The following LRP8 variants were observed in gnomAD, a reference collection of about 807,000 sequenced individuals.
LRP8 encodes the protein LDL receptor related protein 8.
LRP8 carries 46 observed loss-of-function variants against 111.6 expected under a neutral mutation model. The observed-to-expected ratio is 0.41, with a 90% CI of 0.33 to 0.53. The LOEUF (loss-of-function observed/expected upper bound fraction) is 0.53, where lower values mean the gene tolerates loss of function less well. Among genes scored for constraint, LRP8 ranks in the 20% least tolerant of loss-of-function variants. The pLI, the probability that LRP8 is intolerant of heterozygous loss-of-function variation, is 0.20. For synonymous variants in LRP8, 464 were observed against 511.2 expected, an observed-to-expected ratio of 0.91 and a Z score of 1.24; for missense variants, 959 against 1,297.4, an observed-to-expected ratio of 0.74 and a Z score of 4.01.
chr1:53,325,166 G>A (rs1557877780), intron 2 of LRP8, among the ~76,000 whole-genome samples: 1 of 152,206 alleles, frequency 6.6e-6, no homozygotes, highest in Non-Finnish European at 1.5e-5. Flanking sequence ...CCAAGGCACA[G>A]CCATTTTCAT....
chr1:53,298,482 CA>C (rs1246279162), intron 2 of LRP8, among the ~76,000 whole-genome samples: 2 of 152,170 alleles, frequency 1.3e-5, no homozygotes, highest in Non-Finnish European at 2.9e-5. Context: ...AGAAGATGAC[CA>C]CGTTCCTGCC....
intron 3 of LRP8, among the ~76,000 whole-genome samples, chr1:53,281,900 G>A (rs1647124477): frequency 6.6e-6 from 1 of 152,234 alleles, no homozygotes; most frequent in African/African-American, 2.4e-5. Context: ...GAGTATTTGA[G>A]CACTGCTGTG....
chr1:53,256,603 T>C (rs1029618073), intron 15 of LRP8, among the ~76,000 whole-genome samples: 1 of 152,248 alleles, frequency 6.6e-6, no homozygotes, highest in Non-Finnish European at 1.5e-5. Flanking sequence ...AGATAGTTTA[T>C]CCTTTTAAAT....
In LRP8 at chr1:53,243,493, A is replaced by G. The variant is rs1158795151; in HGVS notation, c.*3525T>C. On this transcript the variant is annotated 3_prime_UTR_variant, in exon 19 of 19. Transcript: ENST00000306052. ...CAGTTCTGCAAAGTGCTGGCAATGC[A>G]TCCTAATGAATTTTCCATGATGCAT... 6.6e-6 allele frequency: 1 copy of G among 152,258 alleles called. No homozygotes were observed. The highest frequency in any genetic ancestry group is 1.5e-5 in the Non-Finnish European group (1 of 68,044). 9.4% of individuals were successfully genotyped at this position (152,258 alleles called of 1,614,324 possible). A position where few individuals can be genotyped will look rare whatever the true frequency, so the allele number is the denominator to read the frequency against.
intron 2 of LRP8, among the ~76,000 whole-genome samples, chr1:53,324,216 G>T (rs1654859336): frequency 6.6e-6 from 1 of 152,178 alleles, no homozygotes; most frequent in Non-Finnish European, 1.5e-5. Flanking sequence ...GAGCTCCTCA[G>T]GGACGAGCCA....
intron 2 of LRP8, chr1:53,292,285 G>A (rs555416015): frequency 1.3e-5 from 2 of 152,204 alleles, no homozygotes; most frequent in African/African-American, 2.4e-5. Flanking sequence ...GCCTCTGTAC[G>A]TGCAGAACTA....
intron 2 of LRP8, among the ~76,000 whole-genome samples, chr1:53,315,040 T>C (rs1653612468): frequency 1.3e-5 from 2 of 152,138 alleles, no homozygotes; most frequent in South Asian, 2.1e-4. Flanking sequence ...AAGGACCAAG[T>C]GTCCATAACT....
intron 2 of LRP8, among the ~76,000 whole-genome samples, chr1:53,321,046 T>C (rs1010344880): frequency 6.6e-6 from 1 of 152,210 alleles, no homozygotes; most frequent in Non-Finnish European, 1.5e-5. Flanking sequence ...AGTTAAAGGA[T>C]GTGAATTGTC....
chr1:53,268,440 A>T lies in LRP8; in HGVS notation c.1253-1793T>A, dbSNP rs1646654833. ...GTGTCATGTATTACATGTGTTCTAT[A>T]TGGGGGCAAGAACAGGTTACACGTT... On this transcript the variant is annotated intron_variant, in intron 8 of 18. Coordinates refer to ENST00000306052, the MANE Select transcript of LRP8 (RefSeq NM_004631.5). 4 of 152,200 alleles carry T rather than the reference A, an allele frequency of 2.6e-5. No homozygotes were observed. The South Asian group carries it at 8.3e-4, about 32-fold the overall frequency. 9.4% of individuals were successfully genotyped at this position (152,200 alleles called of 1,614,324 possible). A position where few individuals can be genotyped will look rare whatever the true frequency, so the allele number is the denominator to read the frequency against.
Position 53,310,941 on chromosome 1 carries a change from A to T in LRP8, c.244+15932T>A, listed in dbSNP as rs966194614. 4.6e-5 allele frequency among the ~76,000 whole-genome samples: 7 copies of T among 152,296 alleles called. No individual in the cohort carries two copies. The East Asian group carries it at 1.4e-3, about 29-fold the overall frequency. On this transcript the variant is annotated intron_variant, in intron 2 of 18. Transcript: ENST00000306052. ...GACACAGGAGATGACAAAGGTGCCA[A>T]ATCGACCCCGGGTCATGCCTGCCCA...
chr1:53,249,560 A>C lies in LRP8; in HGVS notation c.2677-4T>G, dbSNP rs750934064. Reference sequence around the variant, plus strand: ...GGCGATCAAAGCTGCTGATTGCCTGACAGGGGGATGGCACTGTGGATGACC... The same window carrying C: ...GGCGATCAAAGCTGCTGATTGCCTGCCAGGGGGATGGCACTGTGGATGACC... On this transcript the variant is annotated splice_polypyrimidine_tract_variant and splice_region_variant and intron_variant, in intron 17 of 18. Coordinates refer to ENST00000306052, the MANE Select transcript of LRP8 (RefSeq NM_004631.5). This position sits in a 1 kb window ranked among gnomAD's most constrained non-coding sequence, Gnocchi z 4.1. 1 of 1,589,216 alleles carries C rather than the reference A, an allele frequency of 6.3e-7. No individual in the cohort carries two copies. The highest frequency in any genetic ancestry group is 1.4e-5 in the African/African-American group (1 of 74,004).
intron 6 of LRP8, chr1:53,272,552 T>TG (rs1646792218): frequency 7.7e-7 from 1 of 1,290,928 alleles, no homozygotes; most frequent in Admixed American, 2.3e-5. Context: ...TGCACAGCTA[T>TG]GGGGTGCCCC....
In LRP8 at chr1:53,246,871, C is replaced by T. The variant is rs1572407811; in HGVS notation, c.*147G>A. On this transcript the variant is annotated 3_prime_UTR_variant, in exon 19 of 19. Coordinates refer to ENST00000306052, the MANE Select transcript of LRP8 (RefSeq NM_004631.5). ...TCATCATAACTTTGTGGTTACCTTT[C>T]CGCAACATAAATTTAAAAAAAAAAT... 2 of 659,748 alleles carry T rather than the reference C, an allele frequency of 3.0e-6. No individual in the cohort carries two copies. The highest frequency in any genetic ancestry group is 6.4e-5 in the East Asian group (2 of 31,212). 40.9% of individuals were successfully genotyped at this position (659,748 alleles called of 1,614,324 possible). A position where few individuals can be genotyped will look rare whatever the true frequency, so the allele number is the denominator to read the frequency against.
rs1448799741 is a variant in LRP8, at chr1:53,271,114, A to G, written c.1166T>C (p.Ile389Thr). 1.2e-5 allele frequency: 19 copies of G among 1,613,788 alleles called. No individual in the cohort carries two copies. Among genetic ancestry groups the G allele is most frequent in the Admixed American group, 1.7e-5 (1 of 59,978 alleles). Reference sequence around the variant, plus strand: ...AAAATAGCCCTTGTAATTGACACAGATCTGGCTGCAGGCATCTGGGTCCTT... The same window carrying G: ...AAAATAGCCCTTGTAATTGACACAGGTCTGGCTGCAGGCATCTGGGTCCTT... ...ECKDPDACSQ[I>T]CVNYKGYFKC... Residue 389 changes from isoleucine to threonine, a missense_variant, in exon 8 of 19, where the codon ATC becomes ACC. This residue lies in a region of LRP8 where 819 missense variants were observed against 1,097.6 expected (regional missense o/e 0.75). Coordinates refer to ENST00000306052, the MANE Select transcript of LRP8 (RefSeq NM_004631.5).
At position 53,249,020 on chromosome 1, in the gene LRP8, A is replaced by G. The variant is rs1316001041; in HGVS notation, c.2853+360T>C. Among the ~76,000 whole-genome samples the G allele has an allele frequency of 6.6e-6, 1 of 152,196 alleles. No individual in the cohort carries two copies. The highest frequency in any genetic ancestry group is 2.1e-4 in the South Asian group (1 of 4,824). On this transcript the variant is annotated intron_variant, in intron 18 of 18. Coordinates refer to ENST00000306052, the MANE Select transcript of LRP8 (RefSeq NM_004631.5). This position sits in a 1 kb window ranked among gnomAD's most constrained non-coding sequence, Gnocchi z 4.1. ...TTATTCCAAGTTCAGTGCTTCTTCC[A>G]CTGTGCTCCCTCTGATCTTCAAAAA...
At chr1:53,296,995 G>T (rs969292580) in intron 2 of LRP8, among the ~76,000 whole-genome samples, 2 of 152,070 alleles carry the variant, frequency 1.3e-5, no homozygotes, top group African/African-American at 4.8e-5. Flanking sequence ...CCCATCGCCA[G>T]CAGATCTGGG....
intron 6 of LRP8, chr1:53,272,606 CT>C (rs1360748400): frequency 6.2e-6 from 8 of 1,289,830 alleles, no homozygotes; most frequent in South Asian, 1.2e-5. Flanking sequence ...CCCTTTACCC[CT>C]GGGCCTCCTC....
intron 9 of LRP8, among the ~76,000 whole-genome samples, chr1:53,265,305 G>A (rs992493911): frequency 6.6e-6 from 1 of 152,102 alleles, no homozygotes; most frequent in African/African-American, 2.4e-5. Context: ...GCTCTCTTAC[G>A]ATCCAGACTG....
chr1:53,278,681 G>A (rs921038214), intron 4 of LRP8, among the ~76,000 whole-genome samples: 7 of 151,380 alleles, frequency 4.6e-5, no homozygotes, highest in African/African-American at 1.7e-4. Flanking sequence ...CTCCCTTCCT[G>A]CCTGTCCCCA....
Sources: gnomAD v4.1 joint callset for allele counts (sites outside exome capture counted in the v4.1 genomes callset) on GRCh38, gnomAD v4.1.1 for gene constraint, gnomAD v4.1.1 regional missense constraint, Gnocchi (gnomAD v3.1) non-coding constraint, MANE v1.5 for transcripts, NCBI Gene and HGNC (gene_info 2026-07-23, HGNC 2026-07-21) for gene names.